Variants in NRXN1 observed in about 807,000 individuals in gnomAD.
The protein encoded by NRXN1 is neurexin-1.
NRXN1 carries 39 observed loss-of-function variants against 150.9 expected under a neutral mutation model. That is an observed-to-expected ratio of 0.26 (90% CI 0.20 to 0.34). The LOEUF is 0.34. Among genes scored for constraint, NRXN1 ranks in the 10% least tolerant of loss-of-function variants. The pLI, the probability that NRXN1 is intolerant of heterozygous loss-of-function variation, is 1.00. For synonymous variants in NRXN1, 924 were observed against 757.0 expected, an observed-to-expected ratio of 1.22 and a Z score of -3.62; for missense variants, 1,815 against 1,949.9, an observed-to-expected ratio of 0.93 and a Z score of 1.30.
intron 17 of NRXN1, among the ~76,000 whole-genome samples, chr2:50,258,556 C>G (rs945411392): frequency 6.6e-6 from 1 of 151,994 alleles, no homozygotes; most frequent in Non-Finnish European, 1.5e-5. Flanking sequence ...CTGTCAAAGT[C>G]ATCTATGAAG....
intron 19 of NRXN1, among the ~76,000 whole-genome samples, chr2:50,083,087 G>C (rs759314044): frequency 2.0e-5 from 3 of 152,172 alleles, no homozygotes; most frequent in Admixed American, 1.3e-4. Flanking sequence ...GTGATACTCT[G>C]TATGTTAGCT....
chr2:50,466,234 A>T (rs973423276), intron 16 of NRXN1, among the ~76,000 whole-genome samples: 4 of 151,854 alleles, frequency 2.6e-5, no homozygotes, highest in Non-Finnish European at 4.4e-5. Context: ...TAAAAAAAGC[A>T]TGATCAAAGC....
rs576464148 is a variant in NRXN1 at position 50,764,595 on chromosome 2, T to C, written c.833-140980A>G. Among the ~76,000 whole-genome samples, 5 of 152,132 alleles carry C rather than the reference T, an allele frequency of 3.3e-5. No individual in the cohort carries two copies. In the South Asian group the frequency reaches 1.0e-3, roughly 31 times the overall value. Reference sequence around the variant, plus strand: ...TTATATGCTTATCGTTATACCCATTTTGTAGATGAGGAAACAGAGCAGTTA... The same window carrying C: ...TTATATGCTTATCGTTATACCCATTCTGTAGATGAGGAAACAGAGCAGTTA... On this transcript the variant is annotated intron_variant, in intron 5 of 22. Coordinates refer to ENST00000401669, the MANE Select transcript of NRXN1 (RefSeq NM_001330078.2).
intron 5 of NRXN1, among the ~76,000 whole-genome samples, chr2:50,626,634 G>A (rs993425448): frequency 5.3e-5 from 8 of 151,800 alleles, no homozygotes; most frequent in African/African-American, 1.5e-4. Context: ...ATGGATGCCC[G>A]ATTTAATTTA....
chr2:50,966,806 T>C (rs543606373), intron 2 of NRXN1, among the ~76,000 whole-genome samples: 13 of 151,978 alleles, frequency 8.6e-5, no homozygotes, highest in African/African-American at 3.1e-4. Flanking sequence ...TTGAAAAATG[T>C]GCTATAACAG....
chr2:50,761,408 T>C (rs9679041), intron 5 of NRXN1, among the ~76,000 whole-genome samples: 3,264 of 151,914 alleles, frequency 0.021, 90 homozygotes, highest in African/African-American at 0.06. Flanking sequence ...GTGATGGTTT[T>C]ATAAAGGGCA....
At chr2:50,466,439 A>G (rs746604481) in intron 16 of NRXN1, 8 of 473,152 alleles carry the variant, frequency 1.7e-5, no homozygotes, top group South Asian at 1.1e-4. Flanking sequence ...CAGTCTTGTT[A>G]TATACACACA....
At position 50,346,467 on chromosome 2, in the gene NRXN1, A is replaced by T. The variant is rs2077980680; in HGVS notation, c.3365-109497T>A. ...CACATCTCTCTCCCAGTACCTCGAC[A>T]AGGAACGCCCCTCCCACCCCTCACC... On this transcript the variant is annotated intron_variant, in intron 17 of 22. Transcript: ENST00000401669. The surrounding 1 kb of genome is among the most constrained non-coding windows in gnomAD (Gnocchi z 5.0). Among the ~76,000 whole-genome samples the T allele has an allele frequency of 6.6e-6, 1 of 151,918 alleles. No individual in the cohort carries two copies. The highest frequency in any genetic ancestry group is 6.6e-5 in the Admixed American group (1 of 15,266).
intron 2 of NRXN1, among the ~76,000 whole-genome samples, chr2:50,932,585 G>A (rs1687919436): frequency 6.6e-6 from 1 of 151,952 alleles, no homozygotes; most frequent in South Asian, 2.1e-4. Flanking sequence ...CAAGGGAAAG[G>A]GCAGGAGAGG....
intron 8 of NRXN1, among the ~76,000 whole-genome samples, chr2:50,580,044 C>T (rs1004073853): frequency 6.6e-6 from 1 of 152,130 alleles, no homozygotes; most frequent in African/African-American, 2.4e-5. Context: ...GAGAACAGGT[C>T]TTATTCTTCT....
intron 8 of NRXN1, among the ~76,000 whole-genome samples, chr2:50,570,624 T>C (rs904810916): frequency 2.0e-5 from 3 of 152,120 alleles, no homozygotes; most frequent in African/African-American, 7.2e-5. Flanking sequence ...TATGTTGACA[T>C]GTGTCTCACT....
rs527764476 is a variant in NRXN1, at chr2:49,975,228, T to A, written c.4129-31437A>T. Among the ~76,000 whole-genome samples, 9 of 151,988 alleles carry A rather than the reference T, an allele frequency of 5.9e-5. No individual in the cohort carries two copies. The East Asian group carries it at 1.7e-3, about 29-fold the overall frequency. ...AGATTTTTTTTTTAAAGCTCAAAAGTAGCATAAAACAATCTTCAGGAATAA... is the reference window on the plus strand; with the variant it reads ...AGATTTTTTTTTTAAAGCTCAAAAGAAGCATAAAACAATCTTCAGGAATAA... On this transcript the variant is annotated intron_variant, in intron 21 of 22. Coordinates refer to ENST00000401669, the MANE Select transcript of NRXN1 (RefSeq NM_001330078.2).
chr2:50,403,866 C>T (rs996799484), intron 17 of NRXN1, among the ~76,000 whole-genome samples: 5 of 151,990 alleles, frequency 3.3e-5, no homozygotes, highest in African/African-American at 9.7e-5. Flanking sequence ...CTAAGAGGGC[C>T]GTAGCTTCCA....
intron 17 of NRXN1, among the ~76,000 whole-genome samples, chr2:50,401,153 G>A (rs920120116): frequency 6.6e-6 from 1 of 152,094 alleles, no homozygotes; most frequent in Non-Finnish European, 1.5e-5. Flanking sequence ...TAGATACCAA[G>A]CGCTTTGTTT....
chr2:50,579,641 A>C (rs1304149950), intron 8 of NRXN1, among the ~76,000 whole-genome samples: 1 of 152,218 alleles, frequency 6.6e-6, no homozygotes, highest in Non-Finnish European at 1.5e-5. Context: ...CCCTGTCTTA[A>C]AACAAATACA....
intron 15 of NRXN1, among the ~76,000 whole-genome samples, chr2:50,475,007 T>C (rs2089874333): frequency 6.6e-6 from 1 of 151,994 alleles, no homozygotes; most frequent in Non-Finnish European, 1.5e-5. Flanking sequence ...AAAAGTTACA[T>C]TTCTTGTACA....
At chr2:50,159,371 G>A (rs566137306) in intron 18 of NRXN1, among the ~76,000 whole-genome samples, 2 of 152,110 alleles carry the variant, frequency 1.3e-5, no homozygotes, top group African/African-American at 4.8e-5. Context: ...TTATTTGGAG[G>A]ATTATAAACT....
chr2:50,266,044 G>T (rs1465090322), intron 17 of NRXN1, among the ~76,000 whole-genome samples: 5 of 146,542 alleles, frequency 3.4e-5, no homozygotes, highest in Admixed American at 3.4e-4. Flanking sequence ...TGTTGCCCAG[G>T]CTGGAGTGCA....
At chr2:50,427,363 CAA>C (rs35782406) in intron 17 of NRXN1, among the ~76,000 whole-genome samples, 10 of 101,196 alleles carry the variant, frequency 9.9e-5, no homozygotes, top group Non-Finnish European at 6.9e-5. Context: ...TATATTCTGC[CAA>C]AAAAAAAAAA....
Sources: gnomAD v4.1 joint callset for allele counts (sites outside exome capture counted in the v4.1 genomes callset) on GRCh38, gnomAD v4.1.1 for gene constraint, Gnocchi (gnomAD v3.1) non-coding constraint, MANE v1.5 for transcripts, NCBI Gene and HGNC (gene_info 2026-07-23, HGNC 2026-07-21) for gene names.